UBE2E2: variants seen among roughly 807,000 people sequenced by gnomAD.
The protein encoded by UBE2E2 is ubiquitin-conjugating enzyme E2 E2.
In UBE2E2, 6 loss-of-function variants were observed where a neutral mutation model predicts 24.7. The ratio of observed to expected loss-of-function variants is 0.24; its 90% CI spans 0.13 to 0.48. The LOEUF (loss-of-function observed/expected upper bound fraction) is 0.48. UBE2E2 is among the 20% of genes least tolerant of loss of function. UBE2E2 has a pLI of 0.99. For synonymous variants in UBE2E2, 104 were observed against 83.6 expected (o/e 1.24, Z -1.33); for missense variants, 169 against 245.0 (o/e 0.69, Z 2.07).
intron 3 of UBE2E2, among the ~76,000 whole-genome samples, chr3:23,345,642 A>G (rs936930877): frequency 6.6e-6 from 1 of 152,236 alleles, no homozygotes. Context: ...AGTCACTGAT[A>G]TTGAGTAAAT....
At chr3:23,398,325 A>AAAAC in intron 3 of UBE2E2, among the ~76,000 whole-genome samples, 1 of 150,346 alleles carries the variant, frequency 6.7e-6, no homozygotes, top group African/African-American at 2.5e-5. Context: ...AAAAAAAAAC[A>AAAAC]AAAAAAAACT....
rs141400639 is a variant in UBE2E2, at chr3:23,387,549, C to T, written c.228-112059C>T. 2.2e-3 allele frequency among the ~76,000 whole-genome samples: 338 copies of T among 152,260 alleles called. 1 individual carries two copies. Among genetic ancestry groups the T allele is most frequent in the Non-Finnish European group, 3.9e-3 (264 of 68,024 alleles). ...AGTGAAATGACATATCAGAAAAGATCATGATGAGGCCCCAAAATAGTCTGG... is the reference window on the plus strand; with the variant it reads ...AGTGAAATGACATATCAGAAAAGATTATGATGAGGCCCCAAAATAGTCTGG... On this transcript the variant is annotated intron_variant, in intron 3 of 5. Coordinates refer to ENST00000396703, the MANE Select transcript of UBE2E2 (RefSeq NM_152653.4).
intron 3 of UBE2E2, among the ~76,000 whole-genome samples, chr3:23,252,171 G>A (rs1346039375): frequency 2.0e-5 from 3 of 152,136 alleles, no homozygotes; most frequent in African/African-American, 7.2e-5. Flanking sequence ...TTTACAAGTT[G>A]TGTATACATA....
In UBE2E2 at chr3:23,313,629, C is replaced by T. The variant is rs541521910; in HGVS notation, c.227+96317C>T. Among the ~76,000 whole-genome samples, 3 of 152,112 alleles carry T rather than the reference C, an allele frequency of 2.0e-5. No individual in the cohort carries two copies. In the South Asian group the frequency reaches 6.2e-4, roughly 32 times the overall value. On this transcript the variant is annotated intron_variant, in intron 3 of 5. Coordinates refer to ENST00000396703, the MANE Select transcript of UBE2E2 (RefSeq NM_152653.4). The stretch of plus-strand genomic sequence containing the variant: ...CCATCTCTTGACCTTGTAATCCACC[C>T]ACCTCGGCCTCCCAAAGTGCTGGGA...
chr3:23,266,403 T>C (rs967181696), intron 3 of UBE2E2, among the ~76,000 whole-genome samples: 2 of 152,324 alleles, frequency 1.3e-5, no homozygotes, highest in African/African-American at 4.8e-5. Context: ...CCTTCACTTA[T>C]GAAGCTTAGT....
intron 3 of UBE2E2, among the ~76,000 whole-genome samples, chr3:23,245,420 C>G (rs1697369403): frequency 6.6e-6 from 1 of 152,000 alleles, no homozygotes; most frequent in South Asian, 2.1e-4. Context: ...TCATACAAAG[C>G]CAAAATTCAA....
At position 23,576,990 on chromosome 3, in the gene UBE2E2, G is replaced by T. The variant is rs7628949; in HGVS notation, c.509-12744G>T. Reference sequence around the variant, plus strand: ...CTGTCAGCCCCATTTTTCCAACAGCGTGTGCTCTTTCATGTCTCTGTGTCA... The same window carrying T: ...CTGTCAGCCCCATTTTTCCAACAGCTTGTGCTCTTTCATGTCTCTGTGTCA... On this transcript the variant is annotated intron_variant, in intron 5 of 5. Coordinates refer to ENST00000396703, the MANE Select transcript of UBE2E2 (RefSeq NM_152653.4). Among the ~76,000 whole-genome samples the T allele has an allele frequency of 1.9e-3, 283 of 151,426 alleles. 1 individual carries two copies. The highest frequency in any genetic ancestry group is 6.6e-3 in the African/African-American group (272 of 41,216).
intron 3 of UBE2E2, among the ~76,000 whole-genome samples, chr3:23,315,987 C>G (rs901949640): frequency 6.6e-6 from 1 of 152,148 alleles, no homozygotes; most frequent in Non-Finnish European, 1.5e-5. Flanking sequence ...AGCACATTCT[C>G]TCTGTGCTGA....
rs558413943 is a variant in UBE2E2, at chr3:23,506,620, A to T, written c.360+6880A>T. 1.8e-4 allele frequency among the ~76,000 whole-genome samples: 28 copies of T among 152,078 alleles called. No individual in the cohort carries two copies. In the East Asian group the frequency reaches 4.6e-3, roughly 25 times the overall value. ...TCTCCTATGTGGTCTTCCTGGTTCC[A>T]CCCTTGTCCCTTCAACAGTACACCC... On this transcript the variant is annotated intron_variant, in intron 4 of 5. Transcript: ENST00000396703.
At chr3:23,297,631 G>A (rs1352197772) in intron 3 of UBE2E2, among the ~76,000 whole-genome samples, 3 of 151,968 alleles carry the variant, frequency 2.0e-5, no homozygotes, top group Admixed American at 6.6e-5. Context: ...GCTCTGTTCT[G>A]TTCCATTGGT....
intron 3 of UBE2E2, among the ~76,000 whole-genome samples, chr3:23,298,412 T>C (rs1161246704): frequency 6.6e-6 from 1 of 152,202 alleles, no homozygotes; most frequent in Non-Finnish European, 1.5e-5. Context: ...CAGTATGATA[T>C]TGGCTGTAGG....
chr3:23,296,727 G>C (rs1698920394), intron 3 of UBE2E2, among the ~76,000 whole-genome samples: 2 of 152,152 alleles, frequency 1.3e-5, no homozygotes, highest in Admixed American at 1.3e-4. Context: ...ATTTAGGTTG[G>C]TTCCAAGTCT....
intron 3 of UBE2E2, among the ~76,000 whole-genome samples, chr3:23,315,303 A>AGTTTTTTTT (rs1157915846): frequency 7.5e-6 from 1 of 133,106 alleles, no homozygotes; most frequent in Non-Finnish European, 1.6e-5. Flanking sequence ...GGTGTGCTTC[A>AGTTTTTTTT]TTTTTTTTTT....
At chr3:23,243,400 G>A (rs949412954) in intron 3 of UBE2E2, among the ~76,000 whole-genome samples, 2 of 152,118 alleles carry the variant, frequency 1.3e-5, no homozygotes, top group Non-Finnish European at 2.9e-5. Context: ...TTCAATCTCT[G>A]AGCCTCAGTG....
intron 3 of UBE2E2, among the ~76,000 whole-genome samples, chr3:23,326,821 C>G (rs948044470): frequency 6.6e-6 from 1 of 152,134 alleles, no homozygotes; most frequent in Non-Finnish European, 1.5e-5. Context: ...TGTCCCTCCC[C>G]ACTCCCCCCA....
intron 3 of UBE2E2, among the ~76,000 whole-genome samples, chr3:23,332,701 G>C (rs1271822971): frequency 4.0e-5 from 6 of 150,898 alleles, no homozygotes; most frequent in Admixed American, 4.0e-4. Context: ...GTGTGTGTGT[G>C]TGTGTGTGTG....
chr3:23,571,233 C>G (rs892855787), intron 5 of UBE2E2, among the ~76,000 whole-genome samples: 4 of 143,444 alleles, frequency 2.8e-5, no homozygotes, highest in African/African-American at 1.0e-4. Flanking sequence ...CAGCATTCTT[C>G]TAAGAATCTC....
chr3:23,565,231 G>A (rs547914700), intron 5 of UBE2E2, among the ~76,000 whole-genome samples: 5 of 152,130 alleles, frequency 3.3e-5, no homozygotes, highest in African/African-American at 1.2e-4. Context: ...TGTGAGTCAA[G>A]GTATATGAAC....
chr3:23,213,700 C>T (rs537613236), intron 2 of UBE2E2, among the ~76,000 whole-genome samples: 1 of 152,206 alleles, frequency 6.6e-6, no homozygotes, highest in South Asian at 2.1e-4. Context: ...TCTTGTTTGA[C>T]TTAGCAAGAT....
Sources: gnomAD v4.1 joint callset for allele counts (sites outside exome capture counted in the v4.1 genomes callset) on GRCh38, gnomAD v4.1.1 for gene constraint, MANE v1.5 for transcripts, NCBI Gene and HGNC (gene_info 2026-07-23, HGNC 2026-07-21) for gene names.